Variants in SHTN1 observed in about 807,000 individuals in gnomAD.
The protein encoded by SHTN1 is shootin 1, also known as shootin-1.
Under a neutral mutation model 83.1 loss-of-function variants are expected in SHTN1, and 42 were observed. The ratio of observed to expected loss-of-function variants is 0.51; its 90% confidence interval spans 0.39 to 0.65. The LOEUF is 0.65. SHTN1 is among the 30% of genes least tolerant of loss of function. The pLI is 0.00. For missense variants in SHTN1, 622 were observed against 737.8 expected (o/e 0.84, Z 1.82); for synonymous variants, 224 against 247.7 (o/e 0.90, Z 0.90).
chr10:116,903,842 T>TA (rs1196336299), intron 15 of SHTN1, among the ~76,000 whole-genome samples: 3 of 152,192 alleles, frequency 2.0e-5, no homozygotes, highest in Non-Finnish European at 4.4e-5. Flanking sequence ...TTTTCTTATA[T>TA]ACAAAAAGAC....
chr10:117,113,707 C>G (rs1158227416), intron 1 of SHTN1, among the ~76,000 whole-genome samples: 1 of 152,150 alleles, frequency 6.6e-6, no homozygotes, highest in African/African-American at 2.4e-5. Context: ...CGTTCAAGAC[C>G]CGCCTAGGCA....
At position 117,014,363 on chromosome 10, in the gene SHTN1, A is replaced by G. The variant is rs565093946; in HGVS notation, c.-123+34082T>C. On this transcript the variant is annotated intron_variant, in intron 2 of 17. Transcript: ENST00000392901. ...ATGCAGAAAATGACAAATAAATCGA[A>G]CCATATTACTAATATATGACATTAC... Among the ~76,000 whole-genome samples, 12 of 152,260 alleles carry G rather than the reference A, an allele frequency of 7.9e-5. No individual in the cohort carries two copies. In the East Asian group the frequency reaches 2.3e-3, roughly 29 times the overall value.
chr10:117,051,806 C>T (rs1239235905), intron 1 of SHTN1, among the ~76,000 whole-genome samples: 2 of 151,328 alleles, frequency 1.3e-5, no homozygotes, highest in Admixed American at 6.6e-5. Context: ...CAACTGACTT[C>T]ATATACTCAA....
At chr10:117,077,477 G>A (rs1853177546) in intron 1 of SHTN1, among the ~76,000 whole-genome samples, 3 of 151,720 alleles carry the variant, frequency 2.0e-5, no homozygotes, top group Admixed American at 1.3e-4. Context: ...TAGGAGGGAG[G>A]AGAATCTTTT....
chr10:117,087,099 G>A (rs1853362595), intron 1 of SHTN1, among the ~76,000 whole-genome samples: 2 of 152,130 alleles, frequency 1.3e-5, no homozygotes. Flanking sequence ...AGGTTACCAG[G>A]GTCTGGATAG....
intron 8 of SHTN1, 129 bp from the exon 9 acceptor site, chr10:116,940,741 G>T: frequency 3.2e-6 from 2 of 620,276 alleles, no homozygotes; most frequent in South Asian, 3.2e-5. Context: ...ACTTCTATAA[G>T]TTTTAGAAGT....
At chr10:117,004,817 A>G (rs1299579866) in intron 1 of SHTN1, among the ~76,000 whole-genome samples, 3 of 152,194 alleles carry the variant, frequency 2.0e-5, no homozygotes, top group African/African-American at 7.2e-5. Context: ...ACTAGCCCCG[A>G]CACTCCGCGT....
rs77216782 is a variant in SHTN1, at chr10:116,979,360, G to A, written c.59-52C>T. On this transcript the variant is annotated intron_variant, in intron 1 of 16. Transcript: ENST00000355371. ...ACAACACTGTCAAAAGTTTACTGCA[G>A]GGCAACCTGGGGAATCCAACTAACC... 2,957 of 1,445,334 alleles carry A rather than the reference G, an allele frequency of 2.0e-3. 41 individuals are homozygous for A. In the African/African-American group the frequency reaches 0.035, roughly 17 times the overall value. 89.5% of individuals were successfully genotyped at this position (1,445,334 alleles called of 1,614,324 possible). A position where few individuals can be genotyped will look rare whatever the true frequency, so the allele number is the denominator to read the frequency against.
chr10:116,898,562 A>G (rs1847604749), intron 16 of SHTN1, among the ~76,000 whole-genome samples: 3 of 152,134 alleles, frequency 2.0e-5, no homozygotes, highest in African/African-American at 7.2e-5. Flanking sequence ...ATTATAACCA[A>G]TCGGAATTCA....
At chr10:116,952,942 T>C (rs1368540649) in intron 5 of SHTN1, among the ~76,000 whole-genome samples, 1 of 152,182 alleles carries the variant, frequency 6.6e-6, no homozygotes, top group Non-Finnish European at 1.5e-5. Flanking sequence ...GAAACCATAT[T>C]GTTCAAGCTC....
intron 1 of SHTN1, among the ~76,000 whole-genome samples, chr10:117,122,462 A>G (rs927278695): frequency 4.6e-5 from 7 of 152,172 alleles, no homozygotes; most frequent in Admixed American, 1.3e-4. Context: ...TACTTGTGTG[A>G]GCCACTGCAC....
intron 16 of SHTN1, among the ~76,000 whole-genome samples, chr10:116,893,043 A>G (rs1447451288): frequency 6.6e-6 from 1 of 152,238 alleles, no homozygotes; most frequent in Non-Finnish European, 1.5e-5. Flanking sequence ...ATTACTCAGC[A>G]GCATTTTAAC....
intron 12 of SHTN1, among the ~76,000 whole-genome samples, chr10:116,920,748 A>G (rs931395177): frequency 1.3e-5 from 2 of 152,038 alleles, no homozygotes; most frequent in Middle Eastern, 3.2e-3. Context: ...CTTGGACACC[A>G]TGTTCCAGCC....
intron 9 of SHTN1, among the ~76,000 whole-genome samples, chr10:116,931,206 T>G (rs773313834): frequency 6.6e-6 from 1 of 152,068 alleles, no homozygotes; most frequent in African/African-American, 2.4e-5. Flanking sequence ...TAAAATACTC[T>G]GAAATATATT....
intron 1 of SHTN1, chr10:117,126,266 G>C (rs1056934431): frequency 6.4e-6 from 1 of 157,306 alleles, no homozygotes; most frequent in Admixed American, 6.2e-5. Flanking sequence ...AGCGTGGGTC[G>C]GGGCCCTGCC....
At chr10:116,956,939 G>A (rs2133433077) in intron 4 of SHTN1, among the ~76,000 whole-genome samples, 1 of 151,984 alleles carries the variant, frequency 6.6e-6, no homozygotes, top group South Asian at 2.1e-4. Flanking sequence ...TTTTGGAGAT[G>A]GGTTCTTGCT....
intron 7 of SHTN1, 52 bp downstream of exon 7, chr10:116,948,864 A>C (rs1487945839): frequency 7.7e-7 from 1 of 1,294,032 alleles, no homozygotes; most frequent in African/African-American, 1.5e-5. Context: ...CAATATATGC[A>C]AACAGAACAC....
rs139721099 is a variant in SHTN1 at position 116,978,663 on chromosome 10, A to G, written c.111+593T>C. ...ACAAATCTTAGATATTTTCAGTGAT[A>G]AGGATATAGTTTGTAAGGTAAGTAG... On this transcript the variant is annotated intron_variant, in intron 2 of 16. Transcript: ENST00000355371. Among the ~76,000 whole-genome samples, 371 of 152,062 alleles carry G rather than the reference A, an allele frequency of 2.4e-3. 2 individuals carry two copies. The highest frequency in any genetic ancestry group is 8.4e-3 in the African/African-American group (350 of 41,490).
intron 9 of SHTN1, among the ~76,000 whole-genome samples, chr10:116,935,158 C>A (rs990606651): frequency 5.9e-5 from 9 of 152,194 alleles, no homozygotes; most frequent in African/African-American, 2.2e-4. Context: ...CCCTTTATTT[C>A]TTTCCCTTGC....
Sources: gnomAD v4.1 joint callset for allele counts (sites outside exome capture counted in the v4.1 genomes callset) on GRCh38, gnomAD v4.1.1 for gene constraint, MANE v1.5 for transcripts, NCBI Gene and HGNC (gene_info 2026-07-23, HGNC 2026-07-21) for gene names.